The following PLGLB2 variants were observed in gnomAD, a reference collection of about 807,000 sequenced individuals.
PLGLB2 encodes the protein plasminogen-like protein B.
chr2:87,754,722 G>A (rs1453045453), intron 3 of PLGLB2, among the ~76,000 whole-genome samples: 2 of 149,706 alleles, frequency 1.3e-5, no homozygotes, highest in African/African-American at 2.4e-5. Flanking sequence ...AACTAAATAG[G>A]ATGACCTAAT....
At chr2:87,750,162 G>A (rs1207926876) in intron 1 of PLGLB2, among the ~76,000 whole-genome samples, 1 of 152,268 alleles carries the variant, frequency 6.6e-6, no homozygotes, top group Non-Finnish European at 1.5e-5. Context: ...GACAGGAGCT[G>A]GGGAGGGGAT....
At chr2:87,749,037 G>A (rs1470751588) in intron 1 of PLGLB2, among the ~76,000 whole-genome samples, 6 of 138,236 alleles carry the variant, frequency 4.3e-5, no homozygotes, top group Admixed American at 2.9e-4. Flanking sequence ...TTCCCAGAAG[G>A]AATCTAGGGC....
chr2:87,756,448 C>G, intron 3 of PLGLB2: 1 of 235,942 alleles, frequency 4.2e-6, no homozygotes. Context: ...TAACATGTAT[C>G]CATGTATCAT....
intron 1 of PLGLB2, among the ~76,000 whole-genome samples, chr2:87,750,559 C>G (rs577057194): frequency 4.8e-4 from 73 of 151,772 alleles, no homozygotes; most frequent in African/African-American, 1.7e-3. Context: ...CTCAATAATC[C>G]ATTTTTCCAG....
intron 1 of PLGLB2, among the ~76,000 whole-genome samples, chr2:87,749,047 C>G (rs929867862): frequency 7.1e-6 from 1 of 140,412 alleles, no homozygotes; most frequent in Non-Finnish European, 1.6e-5. Context: ...GAATCTAGGG[C>G]TCTTCTCACT....
At position 87,750,889 on chromosome 2, in the gene PLGLB2, G is replaced by A. The variant is rs535852644; in HGVS notation, c.50-1358G>A. ...CGCTGCCGCCTCCACTGCTCTCCTCGTCACTCTATAACCCACTCCCTCTGC... is the reference window on the plus strand; with the variant it reads ...CGCTGCCGCCTCCACTGCTCTCCTCATCACTCTATAACCCACTCCCTCTGC... On this transcript the variant is annotated intron_variant, in intron 1 of 3. Coordinates refer to ENST00000359481, the MANE Select transcript of PLGLB2 (RefSeq NM_002665.4). Among the ~76,000 whole-genome samples the A allele has an allele frequency of 1.2e-4, 16 of 131,348 alleles. No individual in the cohort carries two copies. The South Asian group carries it at 2.8e-3, about 23-fold the overall frequency. The allele number at this position is 131,348 out of a possible 152,430, so 86.2% of individuals were successfully genotyped here.
At chr2:87,756,452 G>A (rs1356441207) in intron 3 of PLGLB2, 3 of 242,272 alleles carry the variant, frequency 1.2e-5, no homozygotes, top group African/African-American at 2.2e-5. Context: ...ATGTATCCAT[G>A]TATCATCATT....
rs1468239677 is a variant in PLGLB2 at position 87,749,102 on chromosome 2, C to T, written c.49+900C>T. 1.5e-4 allele frequency among the ~76,000 whole-genome samples: 22 copies of T among 148,888 alleles called. 1 individual carries two copies. The highest frequency in any genetic ancestry group is 3.0e-5 in the Non-Finnish European group (2 of 67,050). ...TTTGAAATAATATTCTAAACATGTCCTAGTAGTTCTTTTTCTTTTTCTTTT... is the reference window on the plus strand; with the variant it reads ...TTTGAAATAATATTCTAAACATGTCTTAGTAGTTCTTTTTCTTTTTCTTTT... On this transcript the variant is annotated intron_variant, in intron 1 of 3. Transcript: ENST00000359481.
chr2:87,756,378 C>G (rs1282353258), intron 3 of PLGLB2: 1 of 145,708 alleles, frequency 6.9e-6, no homozygotes, highest in African/African-American at 2.5e-5. Context: ...TCGGAAAAGC[C>G]TGCCATTCCC....
chr2:87,751,488 C>T (rs1382858451), intron 1 of PLGLB2: 1 of 151,396 alleles, frequency 6.6e-6, no homozygotes, highest in African/African-American at 2.4e-5. Context: ...CCACCATCAT[C>T]TATGCACCAA....
rs983959953 is a variant in PLGLB2 at position 87,756,462 on chromosome 2, T to C, written c.*2-358T>C. ...GTAACATGTATCCATGTATCATCAT[T>C]AAGTGATCTCATTTTATATTGTTTA... On this transcript the variant is annotated intron_variant, in intron 3 of 3. Transcript: ENST00000359481. 14 of 263,602 alleles carry C rather than the reference T, an allele frequency of 5.3e-5. 1 individual carries two copies. Among genetic ancestry groups the C allele is most frequent in the South Asian group, 1.1e-4 (2 of 17,956 alleles). The allele number at this position is 263,602 out of a possible 1,614,324, so 16.3% of individuals were successfully genotyped here. A position where few individuals can be genotyped will look rare whatever the true frequency, so the allele number is the denominator to read the frequency against.
At chr2:87,754,783 T>G (rs1443284115) in intron 3 of PLGLB2, among the ~76,000 whole-genome samples, 16 of 151,218 alleles carry the variant, frequency 1.1e-4, no homozygotes, top group Admixed American at 3.3e-4. Context: ...CCTGATTCTC[T>G]CTACAAAATG....
At chr2:87,749,346 TG>T (rs1344232130) in intron 1 of PLGLB2, among the ~76,000 whole-genome samples, 1 of 98,648 alleles carries the variant, frequency 1.0e-5, no homozygotes, top group African/African-American at 3.2e-5. Context: ...TTTATATCTT[TG>T]CCATTTTGAA....
chr2:87,752,826 G>T lies in PLGLB2; in HGVS notation c.185+444G>T, dbSNP rs1265186623. 3.6e-5 allele frequency among the ~76,000 whole-genome samples: 2 copies of T among 54,862 alleles called. 1 individual carries two copies. The allele number at this position is 54,862 out of a possible 152,430, so 36.0% of individuals were successfully genotyped here. A position where few individuals can be genotyped will look rare whatever the true frequency, so the allele number is the denominator to read the frequency against. On this transcript the variant is annotated intron_variant, in intron 2 of 3. Transcript: ENST00000359481. The stretch of plus-strand genomic sequence containing the variant: ...TAAGTGAGCTACAGGCATAATCAAT[G>T]CATGTTCTACCCAGATCCAGAAGAA...
intron 1 of PLGLB2, among the ~76,000 whole-genome samples, chr2:87,750,551 C>G (rs1419302674): frequency 2.6e-5 from 4 of 151,778 alleles, no homozygotes; most frequent in African/African-American, 9.7e-5. Flanking sequence ...AACTCCTGCT[C>G]AATAATCCAT....
intron 1 of PLGLB2, among the ~76,000 whole-genome samples, chr2:87,750,993 T>G (rs1207535828): frequency 2.8e-5 from 3 of 106,638 alleles, no homozygotes; most frequent in Non-Finnish European, 6.0e-5. Flanking sequence ...TATCTTCATT[T>G]TATTAGCCTC....
chr2:87,755,735 GAA>G (rs1684708089), intron 3 of PLGLB2, among the ~76,000 whole-genome samples: 1 of 34,652 alleles, frequency 2.9e-5, no homozygotes, highest in Non-Finnish European at 4.9e-5. Context: ...GTCACCAGTA[GAA>G]GGTCTCTGGT....
chr2:87,756,346 G>C (rs1352204865), intron 3 of PLGLB2: 1 of 128,226 alleles, frequency 7.8e-6, no homozygotes, highest in Non-Finnish European at 1.7e-5. Flanking sequence ...AGAAATAGAA[G>C]TGGGTTGGAT....
At position 87,758,502 on chromosome 2, in the gene PLGLB2, CTCTG is replaced by C. The variant is rs1362550119; in HGVS notation, c.*1688_*1691del. On this transcript the variant is annotated 3_prime_UTR_variant, in exon 4 of 4. Coordinates refer to ENST00000359481, the MANE Select transcript of PLGLB2 (RefSeq NM_002665.4). Reference sequence around the variant, plus strand: ...ACTGTGCAATAAAAATATTTTGGCTCTCTGTCTAAGACTTGGCTGTCACAGTAGC... The same window carrying C: ...ACTGTGCAATAAAAATATTTTGGCTCTCTAAGACTTGGCTGTCACAGTAGC... Among the ~76,000 whole-genome samples the C allele has an allele frequency of 2.2e-4, 23 of 102,964 alleles. No homozygotes were observed. The highest frequency in any genetic ancestry group is 3.8e-4 in the South Asian group (1 of 2,616). The allele number at this position is 102,964 out of a possible 152,430, so 67.5% of individuals were successfully genotyped here.
Sources: gnomAD v4.1 joint callset for allele counts (sites outside exome capture counted in the v4.1 genomes callset) on GRCh38, gnomAD v4.1.1 for gene constraint, MANE v1.5 for transcripts, NCBI Gene and HGNC (gene_info 2026-07-23, HGNC 2026-07-21) for gene names.